Variants in KIF26B observed in about 807,000 individuals in gnomAD.
KIF26B encodes the protein kinesin-like protein KIF26B.
Under a neutral mutation model 151.2 loss-of-function variants are expected in KIF26B, and 63 were observed. The ratio of observed to expected loss-of-function variants is 0.42; its 90% CI spans 0.34 to 0.51. KIF26B has a LOEUF of 0.51. Among genes scored for constraint, KIF26B ranks in the 20% least tolerant of loss-of-function variants. The pLI, the probability that KIF26B is intolerant of heterozygous loss-of-function variation, is 0.07. For missense variants in KIF26B, 2,813 were observed against 2,913.6 expected, an observed-to-expected ratio of 0.97 and a Z score of 0.79; for synonymous variants, 1,357 against 1,262.1, an observed-to-expected ratio of 1.08 and a Z score of -1.59.
chr1:245,623,198 G>T (rs1409630919), intron 9 of KIF26B, among the ~76,000 whole-genome samples: 1 of 151,894 alleles, frequency 6.6e-6, no homozygotes, highest in Non-Finnish European at 1.5e-5. Context: ...ACCCCCAAAA[G>T]TTTCCTCGGG....
intron 4 of KIF26B, among the ~76,000 whole-genome samples, chr1:245,437,421 G>A (rs906493111): frequency 2.6e-5 from 4 of 152,212 alleles, no homozygotes; most frequent in African/African-American, 9.6e-5. Context: ...TCACACTAAA[G>A]ATAGAGAAAA....
At chr1:245,629,025 A>G (rs1176081416) in intron 9 of KIF26B, among the ~76,000 whole-genome samples, 1 of 152,244 alleles carries the variant, frequency 6.6e-6, no homozygotes, top group Non-Finnish European at 1.5e-5. Context: ...TAAAATACCC[A>G]GGAATACCTT....
At chr1:245,466,953 CA>C (rs533738270) in intron 4 of KIF26B, among the ~76,000 whole-genome samples, 59 of 152,244 alleles carry the variant, frequency 3.9e-4, no homozygotes, top group African/African-American at 1.3e-3. Flanking sequence ...AAGAAAAACA[CA>C]AAAACTTTCT....
rs1018221687 is a variant in KIF26B at position 245,606,124 on chromosome 1, G to A, written c.1558-1527G>A. Among the ~76,000 whole-genome samples the A allele has an allele frequency of 1.3e-5, 2 of 152,074 alleles. No homozygotes were observed. The highest frequency in any genetic ancestry group is 6.5e-5 in the Admixed American group (1 of 15,280). On this transcript the variant is annotated intron_variant, in intron 6 of 14. Coordinates refer to ENST00000407071, the MANE Select transcript of KIF26B (RefSeq NM_018012.4). This position sits in a 1 kb window ranked among gnomAD's most constrained non-coding sequence, Gnocchi z 4.6. ...GGCTCTCCTTGCCTAAGTCCTGGGG[G>A]GTTTGAAAGATCCTGTGTGCCCTAC... is the stretch of plus-strand genomic sequence containing the variant.
intron 9 of KIF26B, among the ~76,000 whole-genome samples, chr1:245,615,682 G>T (rs1771522): frequency 0.39 from 60,017 of 151,972 alleles, 12,081 homozygotes; most frequent in African/African-American, 0.46. Context: ...CCAAAACCTC[G>T]GTTAGGTCCT....
intron 2 of KIF26B, among the ~76,000 whole-genome samples, chr1:245,195,532 C>T (rs946781720): frequency 3.9e-5 from 6 of 152,104 alleles, no homozygotes; most frequent in African/African-American, 4.8e-5. Context: ...TCAGGATTGA[C>T]GGGGAGGGGC....
intron 3 of KIF26B, among the ~76,000 whole-genome samples, chr1:245,368,319 G>A (rs747734927): frequency 3.3e-5 from 5 of 152,084 alleles, no homozygotes; most frequent in African/African-American, 9.7e-5. Flanking sequence ...AATTTTGCCC[G>A]GGTGAGTTTT....
intron 9 of KIF26B, among the ~76,000 whole-genome samples, chr1:245,644,661 C>A (rs935871962): frequency 4.6e-5 from 7 of 152,198 alleles, no homozygotes; most frequent in Admixed American, 1.3e-4. Context: ...TCTGGGTATT[C>A]AACCCAATGC....
rs956480180 is a variant in KIF26B, at chr1:245,429,078, A to G, written c.1166+9333A>G. On this transcript the variant is annotated intron_variant, in intron 4 of 14. Coordinates refer to ENST00000407071, the MANE Select transcript of KIF26B (RefSeq NM_018012.4). ...CTTGAATTCTCAGCCAGACACTGAC[A>G]TTCTGACTTGAGGCAAGTAACTTAA... is the stretch of plus-strand genomic sequence containing the variant. Among the ~76,000 whole-genome samples, 3 of 152,182 alleles carry G rather than the reference A, an allele frequency of 2.0e-5. No homozygotes were observed. In the East Asian group the frequency reaches 5.8e-4, roughly 29 times the overall value.
intron 2 of KIF26B, among the ~76,000 whole-genome samples, chr1:245,321,360 G>A (rs970626230): frequency 2.6e-5 from 4 of 152,148 alleles, no homozygotes; most frequent in Non-Finnish European, 4.4e-5. Flanking sequence ...TTTTCATGAA[G>A]GTAAACTCTT....
intron 2 of KIF26B, 78 bp downstream of exon 2, chr1:245,156,761 C>T: frequency 5.3e-6 from 5 of 935,550 alleles, no homozygotes; most frequent in Non-Finnish European, 7.2e-6. Context: ...CTGCTCAGCC[C>T]GCCGCGACCT....
At chr1:245,501,391 A>C (rs536104469) in intron 4 of KIF26B, among the ~76,000 whole-genome samples, 1 of 152,296 alleles carries the variant, frequency 6.6e-6, no homozygotes, top group South Asian at 2.1e-4. Context: ...TATGGTAAGG[A>C]CTAGCTACTT....
chr1:245,400,955 G>C (rs1170018988), intron 3 of KIF26B, among the ~76,000 whole-genome samples: 1 of 152,136 alleles, frequency 6.6e-6, no homozygotes, highest in African/African-American at 2.4e-5. Context: ...GTGAATTACG[G>C]AAGGGAAAGC....
At chr1:245,307,837 T>G (rs1191243235) in intron 2 of KIF26B, among the ~76,000 whole-genome samples, 1 of 151,446 alleles carries the variant, frequency 6.6e-6, no homozygotes, top group African/African-American at 2.4e-5. Context: ...GCCTCCCGGG[T>G]TCACGCAATT....
intron 9 of KIF26B, among the ~76,000 whole-genome samples, chr1:245,627,460 A>G (rs1715815): frequency 0.32 from 48,152 of 152,052 alleles, 8,121 homozygotes; most frequent in East Asian, 0.39. Context: ...ACGATGTACC[A>G]GAAGCTCTGG....
intron 2 of KIF26B, among the ~76,000 whole-genome samples, chr1:245,345,224 C>T (rs1672423753): frequency 1.3e-5 from 2 of 152,154 alleles, no homozygotes; most frequent in Non-Finnish European, 2.9e-5. Context: ...CAAGCCCTCA[C>T]CCCACCCCTG....
chr1:245,609,544 G>T lies in KIF26B; in HGVS notation c.1914+16G>T. The T allele has an allele frequency of 6.6e-7, 1 of 1,509,920 alleles. No homozygotes were observed. The highest frequency in any genetic ancestry group is 1.4e-5 in the South Asian group (1 of 72,390). 93.5% of individuals were successfully genotyped at this position (1,509,920 alleles called of 1,614,324 possible). Reference sequence around the variant, plus strand: ...CGGCACGCAGGTGATTGCTTCTGAAGCCTGGCTCGCCCCAAGGTGGCTCCC... The same window carrying T: ...CGGCACGCAGGTGATTGCTTCTGAATCCTGGCTCGCCCCAAGGTGGCTCCC... On this transcript the variant is annotated intron_variant, in intron 8 of 14. Coordinates refer to ENST00000407071, the MANE Select transcript of KIF26B (RefSeq NM_018012.4).
intron 10 of KIF26B, among the ~76,000 whole-genome samples, chr1:245,660,631 G>A (rs1009679218): frequency 9.2e-5 from 14 of 151,978 alleles, no homozygotes; most frequent in Non-Finnish European, 1.0e-4. Context: ...ATGAGCCACC[G>A]CACCCAGCCC....
At chr1:245,348,277 C>T (rs1672496701) in intron 2 of KIF26B, among the ~76,000 whole-genome samples, 1 of 152,262 alleles carries the variant, frequency 6.6e-6, no homozygotes, top group African/African-American at 2.4e-5. Context: ...CTCCCAGGCC[C>T]GTAACTTCCA....
Sources: allele counts gnomAD v4.1 joint callset (sites outside exome capture counted in the v4.1 genomes callset), GRCh38; gene constraint gnomAD v4.1.1; non-coding constraint Gnocchi (gnomAD v3.1); transcripts MANE v1.5; gene names NCBI Gene and HGNC (gene_info 2026-07-23, HGNC 2026-07-21).